MICU1: variants seen among roughly 807,000 people sequenced by gnomAD.
MICU1 encodes the protein calcium uptake protein 1, mitochondrial.
Under a neutral mutation model 56.8 loss-of-function variants are expected in MICU1, and 45 were observed. That is an observed-to-expected ratio of 0.79 (90% confidence interval 0.62 to 1.02). The LOEUF (loss-of-function observed/expected upper bound fraction) is 1.02. Among genes scored for constraint, MICU1 ranks in the 50% least tolerant of loss-of-function variants. The pLI, the probability that MICU1 is intolerant of heterozygous loss-of-function variation, is 0.00. For synonymous variants in MICU1, 186 were observed against 195.1 expected (o/e 0.95, Z 0.39); for missense variants, 504 against 587.1 (o/e 0.86, Z 1.46).
chr10:72,573,714 G>A (rs1305738858), intron 1 of MICU1, among the ~76,000 whole-genome samples: 2 of 151,802 alleles, frequency 1.3e-5, no homozygotes, highest in Non-Finnish European at 2.9e-5. Flanking sequence ...GCTCCCCTAG[G>A]GATTTTATTT....
chr10:72,385,084 G>GCAGTAGAAGGATGTAAC, intron 10 of MICU1, among the ~76,000 whole-genome samples: 1 of 151,944 alleles, frequency 6.6e-6, no homozygotes, highest in Non-Finnish European at 1.5e-5. Flanking sequence ...AATTCTCTAG[G>GCAGTAGAAGGATGTAAC]TCCTTCTAGC....
intron 1 of MICU1, among the ~76,000 whole-genome samples, chr10:72,576,858 T>C (rs780014874): frequency 1.3e-5 from 2 of 152,236 alleles, no homozygotes; most frequent in African/African-American, 2.4e-5. Context: ...TTCATCATTC[T>C]GAAAATCCTT....
chr10:72,539,554 G>A (rs563638520), intron 4 of MICU1, among the ~76,000 whole-genome samples: 54 of 152,176 alleles, frequency 3.5e-4, no homozygotes, highest in African/African-American at 1.1e-3. Context: ...AAATGGAAAC[G>A]CAATATGTTT....
intron 5 of MICU1, among the ~76,000 whole-genome samples, chr10:72,523,555 T>C (rs1009388206): frequency 5.9e-5 from 9 of 152,108 alleles, no homozygotes; most frequent in South Asian, 2.1e-4. Flanking sequence ...AAAGGAAGTA[T>C]AGAAAAAATG....
intron 3 of MICU1, among the ~76,000 whole-genome samples, chr10:72,559,665 A>C (rs1378748129): frequency 2.6e-5 from 4 of 152,316 alleles, no homozygotes; most frequent in Non-Finnish European, 5.9e-5. Flanking sequence ...ACAATGAATA[A>C]ACTTTTTTTT....
intron 5 of MICU1, among the ~76,000 whole-genome samples, chr10:72,518,594 G>A (rs1867725595): frequency 6.6e-6 from 1 of 152,132 alleles, no homozygotes; most frequent in African/African-American, 2.4e-5. Flanking sequence ...AAGGGTCTAT[G>A]AGAAATTTGT....
intron 1 of MICU1, among the ~76,000 whole-genome samples, chr10:72,589,700 C>T (rs952789112): frequency 2.6e-5 from 4 of 151,848 alleles, no homozygotes; most frequent in Non-Finnish European, 4.4e-5. Context: ...AAAAATAGGT[C>T]AATGGAACTG....
intron 10 of MICU1, among the ~76,000 whole-genome samples, chr10:72,383,990 A>T (rs1034113981): frequency 4.6e-5 from 6 of 131,194 alleles, no homozygotes; most frequent in Non-Finnish European, 7.4e-5. Flanking sequence ...CAATTTTATT[A>T]AAAAAAAATT....
At chr10:72,423,053 G>GCT (rs2132137329) in intron 9 of MICU1, among the ~76,000 whole-genome samples, 181 bp downstream of exon 9, 1 of 152,108 alleles carries the variant, frequency 6.6e-6, no homozygotes, top group East Asian at 1.9e-4. Flanking sequence ...GATTCTGGAC[G>GCT]CTCTCCTCTT....
intron 11 of MICU1, among the ~76,000 whole-genome samples, chr10:72,369,686 A>T (rs1188594837): frequency 3.4e-5 from 5 of 146,804 alleles, no homozygotes; most frequent in Non-Finnish European, 5.9e-5. Flanking sequence ...TTTGGAGAGC[A>T]TCTGTTTTTT....
chr10:72,448,123 G>GTGTGTGTA (rs1554872391), intron 8 of MICU1, among the ~76,000 whole-genome samples: 1 of 106,260 alleles, frequency 9.4e-6, no homozygotes, highest in Non-Finnish European at 1.8e-5. Context: ...TTATATATAT[G>GTGTGTGTA]TGTGTGTGTG....
intron 4 of MICU1, among the ~76,000 whole-genome samples, chr10:72,538,644 A>C (rs781151587): frequency 4.6e-5 from 7 of 152,116 alleles, no homozygotes; most frequent in Non-Finnish European, 7.4e-5. Context: ...AATAACCACA[A>C]AGGAAGACAA....
chr10:72,543,991 C>T (rs1397641167), intron 4 of MICU1, among the ~76,000 whole-genome samples: 1 of 152,160 alleles, frequency 6.6e-6, no homozygotes, highest in Admixed American at 6.5e-5. Context: ...AAATGAAATC[C>T]ACAGGCAGAC....
intron 9 of MICU1, among the ~76,000 whole-genome samples, chr10:72,419,713 T>C (rs1317799347): frequency 2.0e-5 from 3 of 152,194 alleles, no homozygotes; most frequent in Non-Finnish European, 4.4e-5. Flanking sequence ...ACAGCAAGCA[T>C]CTAGGATAAG....
chr10:72,488,340 T>C (rs1866542626), intron 6 of MICU1, among the ~76,000 whole-genome samples: 1 of 152,132 alleles, frequency 6.6e-6, no homozygotes, highest in Non-Finnish European at 1.5e-5. Context: ...AGTACTTCTG[T>C]AATATGGCAA....
chr10:72,486,892 C>T (rs1866492311), intron 6 of MICU1, among the ~76,000 whole-genome samples: 1 of 152,190 alleles, frequency 6.6e-6, no homozygotes, highest in South Asian at 2.1e-4. Flanking sequence ...TAAACTCATA[C>T]TAACTTGTAA....
At chr10:72,375,390 G>A (rs944321243) in intron 11 of MICU1, among the ~76,000 whole-genome samples, 3 of 152,182 alleles carry the variant, frequency 2.0e-5, no homozygotes, top group African/African-American at 4.8e-5. Flanking sequence ...GAGATGGAAT[G>A]CAACTGGCTG....
intron 3 of MICU1, among the ~76,000 whole-genome samples, chr10:72,551,711 G>T (rs1463644755): frequency 1.3e-5 from 2 of 152,032 alleles, no homozygotes; most frequent in Non-Finnish European, 2.9e-5. Flanking sequence ...CCATATATAT[G>T]CCAACCTATA....
At chr10:72,557,224 C>T (rs1332868876) in intron 3 of MICU1, among the ~76,000 whole-genome samples, 1 of 152,080 alleles carries the variant, frequency 6.6e-6, no homozygotes, top group Non-Finnish European at 1.5e-5. Context: ...AAGATACAAC[C>T]CACAGTGCAC....
Sources: gnomAD v4.1 joint callset for allele counts (sites outside exome capture counted in the v4.1 genomes callset) on GRCh38, gnomAD v4.1.1 for gene constraint, MANE v1.5 for transcripts, NCBI Gene and HGNC (gene_info 2026-07-23, HGNC 2026-07-21) for gene names.